SLC6A18: variants seen among roughly 807,000 people sequenced by gnomAD.
The protein encoded by SLC6A18 is solute carrier family 6 member 18, also known as inactive sodium-dependent neutral amino acid transporter B(0)AT3.
In SLC6A18, 58 loss-of-function variants were observed where a neutral mutation model predicts 62.9. The ratio of observed to expected loss-of-function variants is 0.92; its 90% CI spans 0.75 to 1.15. The LOEUF (loss-of-function observed/expected upper bound fraction) is 1.15. SLC6A18 is among the 50% of genes most tolerant of loss of function. The pLI is 0.00. For missense variants in SLC6A18, 793 were observed against 836.6 expected (o/e 0.95, Z 0.64); for synonymous variants, 382 against 365.8 (o/e 1.04, Z -0.51).
intron 1 of SLC6A18, among the ~76,000 whole-genome samples, chr5:1,226,674 T>G (rs532903874): frequency 1.6e-4 from 24 of 152,306 alleles, no homozygotes; most frequent in African/African-American, 4.1e-4. Context: ...TTTGGGGCTT[T>G]GGGGCTGGAG....
chr5:1,245,331 TC>T (rs1747190659), intron 11 of SLC6A18, among the ~76,000 whole-genome samples: 1 of 151,414 alleles, frequency 6.6e-6, no homozygotes, highest in Non-Finnish European at 1.5e-5. Context: ...ACCATCTGAG[TC>T]CCCACTGGTG....
chr5:1,232,164 A>T, intron 1 of SLC6A18, 55 bp from the exon 2 acceptor site: 1 of 1,515,860 alleles, frequency 6.6e-7, no homozygotes, highest in Non-Finnish European at 9.0e-7. Flanking sequence ...GGCCCACGCC[A>T]CAGTCCCCCC....
In SLC6A18 at chr5:1,243,374, C is replaced by T. The variant is rs1478120091; in HGVS notation, c.1132-181C>T. Among the ~76,000 whole-genome samples the T allele has an allele frequency of 1.1e-4, 17 of 152,166 alleles. No homozygotes were observed. Among genetic ancestry groups the T allele is most frequent in the Non-Finnish European group, 2.2e-4 (15 of 68,020 alleles). ...GGAAGGACCCTCCCCTGCAGAGTTG[C>T]GCTTGCAGCCTCGTCTCCCAGAAGG... On this transcript the variant is annotated intron_variant, in intron 8 of 11. Coordinates refer to ENST00000324642, the MANE Select transcript of SLC6A18 (RefSeq NM_182632.3). This position sits in a 1 kb window ranked among gnomAD's most constrained non-coding sequence, Gnocchi z 6.5.
intron 3 of SLC6A18, among the ~76,000 whole-genome samples, chr5:1,234,219 A>C (rs73034527): frequency 6.6e-6 from 1 of 152,198 alleles, no homozygotes; most frequent in African/African-American, 2.4e-5. Flanking sequence ...CTTAGGAAGC[A>C]ACTCTGACTT....
chr5:1,244,452 C>G, intron 10 of SLC6A18, 79 bp downstream of exon 10: 1 of 1,579,612 alleles, frequency 6.3e-7, no homozygotes, highest in Admixed American at 1.7e-5. Context: ...ACAGGTTCAA[C>G]CCGCAGCTGC....
chr5:1,225,420 G>C lies in SLC6A18; in HGVS notation c.-58G>C. On this transcript the variant is annotated 5_prime_UTR_variant, in exon 1 of 12. Coordinates refer to ENST00000324642, the MANE Select transcript of SLC6A18 (RefSeq NM_182632.3). Reference sequence around the variant, plus strand: ...GGCAGAGGCTGGAGACGGCTCTCTAGTGCTGGGTGTGGAGTGAGGCACCAC... The same window carrying C: ...GGCAGAGGCTGGAGACGGCTCTCTACTGCTGGGTGTGGAGTGAGGCACCAC... 1.3e-6 allele frequency: 2 copies of C among 1,543,224 alleles called. No homozygotes were observed. The highest frequency in any genetic ancestry group is 3.9e-5 in the Admixed American group (2 of 50,986).
chr5:1,225,676 A>G (rs758219080), intron 1 of SLC6A18, 39 bp downstream of exon 1: 3 of 1,513,150 alleles, frequency 2.0e-6, no homozygotes, highest in Middle Eastern at 1.8e-4. Flanking sequence ...ACCCCTAAGC[A>G]GGGGAGGCCG....
chr5:1,239,624 T>G (rs1747001568), intron 6 of SLC6A18, 62 bp downstream of exon 6: 1 of 1,268,692 alleles, frequency 7.9e-7, no homozygotes, highest in Non-Finnish European at 1.1e-6. Flanking sequence ...GAGCACTTCC[T>G]GATCTCAGGA....
At position 1,243,695 on chromosome 5, in the gene SLC6A18, G is replaced by A. The variant is rs768735435; in HGVS notation, c.1272G>A (p.Ala424=). 2.3e-5 allele frequency: 37 copies of A among 1,613,798 alleles called. No homozygotes were observed. The highest frequency in any genetic ancestry group is 3.3e-5 in the Admixed American group (2 of 59,996). ...GLSTMFGTVE[A]VITPLLDVGV... ...CGACCATGTTCGGGACCGTGGAGGC[G>A]GTCATCACACCCCTGCTGGACGTGG... is the stretch of plus-strand genomic sequence containing the variant. The change falls in exon 9 of 12, where the codon GCG becomes GCA. Residue 424 remains alanine, a synonymous_variant. Transcript: ENST00000324642. The surrounding 1 kb of genome is among the most constrained non-coding windows in gnomAD (Gnocchi z 6.5).
At chr5:1,244,168 CA>C in intron 9 of SLC6A18, 45 bp from the exon 10 acceptor site, 65 of 870,328 alleles carry the variant, frequency 7.5e-5, no homozygotes, top group Non-Finnish European at 8.9e-5. Flanking sequence ...CCCACACCTC[CA>C]CTCCCCATCC....
intron 1 of SLC6A18, among the ~76,000 whole-genome samples, chr5:1,231,288 C>A (rs999032275): frequency 6.6e-6 from 1 of 152,228 alleles, no homozygotes; most frequent in Non-Finnish European, 1.5e-5. Context: ...GTGGAGCCGG[C>A]CTGTTCCCCC....
At chr5:1,226,970 CG>C (rs1746589604) in intron 1 of SLC6A18, among the ~76,000 whole-genome samples, 3 of 70,702 alleles carry the variant, frequency 4.2e-5, no homozygotes, top group Non-Finnish European at 6.8e-5. Flanking sequence ...CCTTGCCCAC[CG>C]ACGCCTTGCC....
intron 11 of SLC6A18, 101 bp from the exon 12 acceptor site, chr5:1,245,747 C>A: frequency 8.0e-7 from 1 of 1,253,686 alleles, no homozygotes; most frequent in Non-Finnish European, 1.1e-6. Flanking sequence ...CATCCAAGTC[C>A]GGGTGGGCAG....
In SLC6A18 at chr5:1,243,472, A is replaced by T. The variant is rs576827891; in HGVS notation, c.1132-83A>T. 240 of 1,473,032 alleles carry T rather than the reference A, an allele frequency of 1.6e-4. No individual in the cohort carries two copies. Among genetic ancestry groups the T allele is most frequent in the Non-Finnish European group, 2.2e-4 (235 of 1,074,218 alleles). The allele number at this position is 1,473,032 out of a possible 1,614,324, so 91.2% of individuals were successfully genotyped here. ...TGCACTCGTGTCCTCGGCCTGGGAG[A>T]GTGTGTGTCCTGCAGGCAGGCGTGT... is the stretch of plus-strand genomic sequence containing the variant. On this transcript the variant is annotated intron_variant, in intron 8 of 11. Coordinates refer to ENST00000324642, the MANE Select transcript of SLC6A18 (RefSeq NM_182632.3). This position sits in a 1 kb window ranked among gnomAD's most constrained non-coding sequence, Gnocchi z 6.5.
intron 7 of SLC6A18, among the ~76,000 whole-genome samples, chr5:1,242,422 T>C (rs1335655112): frequency 2.5e-3 from 112 of 45,472 alleles, no homozygotes; most frequent in Middle Eastern, 0.012. Context: ...GCAGGAGGCG[T>C]CCACACGATC....
chr5:1,235,723 C>T (rs1024653136), intron 4 of SLC6A18, 61 bp downstream of exon 4: 16 of 1,553,500 alleles, frequency 1.0e-5, no homozygotes, highest in Non-Finnish European at 1.4e-5. Flanking sequence ...GACCCCTCCC[C>T]ATTGACCTGT....
At chr5:1,238,598 C>T (rs1281208518) in intron 5 of SLC6A18, among the ~76,000 whole-genome samples, 1 of 30,122 alleles carries the variant, frequency 3.3e-5, no homozygotes, top group Non-Finnish European at 6.4e-5. Flanking sequence ...TGGAGTGAGC[C>T]AGGGGCCTCA....
At chr5:1,245,698 A>T (rs1308731565) in intron 11 of SLC6A18, 150 bp from the exon 12 acceptor site, 1 of 855,570 alleles carries the variant, frequency 1.2e-6, no homozygotes, top group East Asian at 2.8e-5. Flanking sequence ...GAGCGGCCAC[A>T]CGGCCTGGCC....
At chr5:1,228,261 C>G (rs1025753269) in intron 1 of SLC6A18, among the ~76,000 whole-genome samples, 1 of 152,198 alleles carries the variant, frequency 6.6e-6, no homozygotes, top group African/African-American at 2.4e-5. Flanking sequence ...GAGTTTCCAC[C>G]TTGACGGCCT....
Sources: gnomAD v4.1 joint callset for allele counts (sites outside exome capture counted in the v4.1 genomes callset) on GRCh38, gnomAD v4.1.1 for gene constraint, Gnocchi (gnomAD v3.1) non-coding constraint, MANE v1.5 for transcripts, NCBI Gene and HGNC (gene_info 2026-07-23, HGNC 2026-07-21) for gene names.